ARL14EPL: variants seen among roughly 807,000 people sequenced by gnomAD.
The protein encoded by ARL14EPL is ARF like GTPase 14 effector protein like, also known as ARL14 effector protein-like.
In ARL14EPL, 17 loss-of-function variants were observed where a neutral mutation model predicts 15.9. That is an observed-to-expected ratio of 1.07 (90% CI 0.73 to 1.60). ARL14EPL has a LOEUF of 1.60. Among genes scored for constraint, ARL14EPL ranks in the 40% most tolerant of loss-of-function variants. The probability of loss-of-function intolerance (pLI) is 0.00; values close to 1 mark genes in which losing one functional copy is unlikely to be tolerated. For missense variants in ARL14EPL, 214 were observed against 185.9 expected (o/e 1.15, Z -0.88); for synonymous variants, 78 against 63.8 (o/e 1.22, Z -1.06).
At chr5:116,050,111 A>G (rs1749342492) in intron 1 of ARL14EPL, among the ~76,000 whole-genome samples, 1 of 152,216 alleles carries the variant, frequency 6.6e-6, no homozygotes, top group African/African-American at 2.4e-5. Context: ...ATAAGGAGAA[A>G]TAACAAGGTG....
chr5:116,054,392 T>C (rs1286486378), intron 3 of ARL14EPL, among the ~76,000 whole-genome samples: 1 of 152,202 alleles, frequency 6.6e-6, no homozygotes, highest in Non-Finnish European at 1.5e-5. Flanking sequence ...AATAGAGTAA[T>C]GGCTTTAGTA....
At position 116,058,824 on chromosome 5, in the gene ARL14EPL, C is replaced by T; in HGVS notation, c.336C>T (p.Cys112=). ...ACTGCCTGGGCTGCTTCTACCCATG[C>T]CCGAAGTGTAACTCCAACAAGTGTG... ...EKNCLGCFYP[C]PKCNSNKCGP... Residue 112 remains cysteine, a synonymous_variant, in exon 4 of 4, where the codon TGC becomes TGT. Coordinates refer to ENST00000686077, the MANE Select transcript of ARL14EPL (RefSeq NM_001195581.2). The T allele has an allele frequency of 6.5e-7, 1 of 1,536,070 alleles. No homozygotes were observed. Among genetic ancestry groups the T allele is most frequent in the Non-Finnish European group, 8.7e-7 (1 of 1,146,906 alleles).
intron 1 of ARL14EPL, among the ~76,000 whole-genome samples, chr5:116,044,578 G>T (rs528613009): frequency 6.6e-6 from 1 of 151,910 alleles, no homozygotes; most frequent in Non-Finnish European, 1.5e-5. Context: ...GGGACAATTT[G>T]GTATTAGTAT....
intron 2 of ARL14EPL, 74 bp downstream of exon 2, chr5:116,051,635 T>A: frequency 7.8e-7 from 1 of 1,290,004 alleles, no homozygotes; most frequent in Non-Finnish European, 1.1e-6. Flanking sequence ...TGCCCATGGA[T>A]GTGGGTGGGA....
At chr5:116,042,749 C>A (rs1001967701) in intron 1 of ARL14EPL, among the ~76,000 whole-genome samples, 2 of 152,146 alleles carry the variant, frequency 1.3e-5, no homozygotes, top group African/African-American at 4.8e-5. Context: ...CCAAAGCCAG[C>A]AACTTTTTAA....
At chr5:116,056,397 A>G (rs1749518409) in intron 3 of ARL14EPL, among the ~76,000 whole-genome samples, 1 of 152,220 alleles carries the variant, frequency 6.6e-6, no homozygotes, top group African/African-American at 2.4e-5. Flanking sequence ...TCTGATGGCC[A>G]GTGATAATGA....
chr5:116,042,619 G>A (rs899838730), intron 1 of ARL14EPL, among the ~76,000 whole-genome samples: 2 of 152,226 alleles, frequency 1.3e-5, no homozygotes, highest in Admixed American at 6.5e-5. Flanking sequence ...CTTTCAATTG[G>A]AGGATTGGAG....
chr5:116,048,542 G>A (rs1040149538), intron 1 of ARL14EPL, among the ~76,000 whole-genome samples: 10 of 151,918 alleles, frequency 6.6e-5, no homozygotes, highest in Admixed American at 2.6e-4. Flanking sequence ...ACTGAAATAC[G>A]CTTATCATAA....
At chr5:116,051,814 T>C (rs1441897086) in intron 2 of ARL14EPL, 1 of 881,544 alleles carries the variant, frequency 1.1e-6, no homozygotes, top group Non-Finnish European at 1.7e-6. Context: ...AAATTCTGCT[T>C]TTTGTGGAGA....
Position 116,042,340 on chromosome 5 carries a change from C to T in ARL14EPL, c.-9-9117C>T, listed in dbSNP as rs76183330. On this transcript the variant is annotated intron_variant, in intron 1 of 3. Coordinates refer to ENST00000686077, the MANE Select transcript of ARL14EPL (RefSeq NM_001195581.2). The stretch of plus-strand genomic sequence containing the variant: ...TTTATCATTGGCACATTGTCTGGCT[C>T]ATTAAGAAGTATTTATCTGAAGGGC... Among the ~76,000 whole-genome samples the T allele has an allele frequency of 3.0e-3, 456 of 152,292 alleles. 2 individuals are homozygous for T. The highest frequency in any genetic ancestry group is 0.011 in the African/African-American group (451 of 41,556).
chr5:116,035,219 C>A (rs1186929252), intron 1 of ARL14EPL, among the ~76,000 whole-genome samples: 2 of 152,212 alleles, frequency 1.3e-5, no homozygotes, highest in African/African-American at 2.4e-5. Flanking sequence ...ATCTCCTAAG[C>A]ACTCCAGTGC....
intron 2 of ARL14EPL, 96 bp from the exon 3 acceptor site, chr5:116,053,918 C>T: frequency 1.9e-6 from 2 of 1,059,334 alleles, no homozygotes; most frequent in Non-Finnish European, 1.3e-6. Flanking sequence ...ACTTTCATGC[C>T]TTTATGGTGA....
chr5:116,058,337 G>T (rs1391462386), intron 3 of ARL14EPL, among the ~76,000 whole-genome samples: 1 of 152,190 alleles, frequency 6.6e-6, no homozygotes, highest in African/African-American at 2.4e-5. Flanking sequence ...AATCTATCAA[G>T]AATGGTAATA....
At chr5:116,054,352 G>T (rs1257379266) in intron 3 of ARL14EPL, among the ~76,000 whole-genome samples, 199 bp downstream of exon 3, 2 of 152,144 alleles carry the variant, frequency 1.3e-5, no homozygotes, top group Non-Finnish European at 2.9e-5. Context: ...ATTAGGAATC[G>T]ATTTTTTAAA....
At position 116,058,972 on chromosome 5, in the gene ARL14EPL, G is replaced by C. The variant is rs116281772; in HGVS notation, c.*25G>C. The stretch of plus-strand genomic sequence containing the variant: ...GGTGCTCTTGTATATGGACTGATTT[G>C]TTTCTTCTTCTTACACATTTAAGTT... On this transcript the variant is annotated 3_prime_UTR_variant, in exon 4 of 4. Coordinates refer to ENST00000686077, the MANE Select transcript of ARL14EPL (RefSeq NM_001195581.2). 156 of 1,524,456 alleles carry C rather than the reference G, an allele frequency of 1.0e-4. 1 individual carries two copies. The African/African-American group carries it at 1.9e-3, about 19-fold the overall frequency. 94.4% of individuals were successfully genotyped at this position (1,524,456 alleles called of 1,614,324 possible).
At chr5:116,057,290 G>C (rs1749541055) in intron 3 of ARL14EPL, among the ~76,000 whole-genome samples, 2 of 152,142 alleles carry the variant, frequency 1.3e-5, no homozygotes, top group South Asian at 4.1e-4. Context: ...GGATTGAAGA[G>C]GACTTCACTG....
intron 1 of ARL14EPL, among the ~76,000 whole-genome samples, chr5:116,041,150 A>T (rs1300135222): frequency 6.6e-6 from 1 of 152,004 alleles, no homozygotes; most frequent in Non-Finnish European, 1.5e-5. Flanking sequence ...GTAGTATGGT[A>T]CTTTTGTTAT....
chr5:116,035,999 C>A (rs1408716240), intron 1 of ARL14EPL, among the ~76,000 whole-genome samples: 1 of 152,230 alleles, frequency 6.6e-6, no homozygotes, highest in Non-Finnish European at 1.5e-5. Flanking sequence ...TCCCTCAACA[C>A]CCCTGTTGGC....
chr5:116,053,575 G>A (rs903274836), intron 2 of ARL14EPL, among the ~76,000 whole-genome samples: 1 of 152,076 alleles, frequency 6.6e-6, no homozygotes, highest in Admixed American at 6.5e-5. Context: ...GCACTGAAGG[G>A]GAGTGCCGGA....
Sources: allele counts gnomAD v4.1 joint callset (sites outside exome capture counted in the v4.1 genomes callset), GRCh38; gene constraint gnomAD v4.1.1; transcripts MANE v1.5; gene names NCBI Gene and HGNC (gene_info 2026-07-23, HGNC 2026-07-21).